The following DFFB variants were observed in gnomAD, a reference collection of about 807,000 sequenced individuals.
The protein encoded by DFFB is DNA fragmentation factor 40 kDa subunit.
In DFFB, 29 loss-of-function variants were observed where a neutral mutation model predicts 32.7. The ratio of observed to expected loss-of-function variants is 0.89; its 90% CI spans 0.66 to 1.21. DFFB has a LOEUF of 1.21. Among genes scored for constraint, DFFB ranks in the 50% most tolerant of loss-of-function variants. The pLI is 0.00. For synonymous variants in DFFB, 170 were observed against 177.1 expected (o/e 0.96, Z 0.32); for missense variants, 398 against 440.6 (o/e 0.90, Z 0.87).
chr1:3,870,378 G>A (rs1186661766), intron 5 of DFFB, among the ~76,000 whole-genome samples: 2 of 152,196 alleles, frequency 1.3e-5, no homozygotes, highest in Non-Finnish European at 2.9e-5. Flanking sequence ...AGCAGCAGGG[G>A]CCAGGTGGTG....
chr1:3,877,004 G>A (rs942806024), intron 6 of DFFB, among the ~76,000 whole-genome samples: 1 of 152,164 alleles, frequency 6.6e-6, no homozygotes, highest in Non-Finnish European at 1.5e-5. Flanking sequence ...TGCCTCCCGT[G>A]GGAGGGCTGT....
At chr1:3,874,065 C>G (rs368799200) in intron 6 of DFFB, among the ~76,000 whole-genome samples, 1 of 152,290 alleles carries the variant, frequency 6.6e-6, no homozygotes, top group African/African-American at 2.4e-5. Flanking sequence ...ACCTTTACCA[C>G]AAGCGTGTGA....
At position 3,883,805 on chromosome 1, in the gene DFFB, C is replaced by CT; in HGVS notation, c.*70dup. 6.8e-7 allele frequency: 1 copy of CT among 1,471,672 alleles called. No homozygotes were observed. Among genetic ancestry groups the CT allele is most frequent in the Non-Finnish European group, 9.3e-7 (1 of 1,072,940 alleles). The allele number at this position is 1,471,672 out of a possible 1,614,324, so 91.2% of individuals were successfully genotyped here. On this transcript the variant is annotated 3_prime_UTR_variant, in exon 7 of 7. Transcript: ENST00000378209. ...ACGTGGGCATCATTTTAACAGGTGC[C>CT]TTTTTTGTTTTTTTGTTTTTCGTTT...
intron 3 of DFFB, chr1:3,866,541 T>A (rs1366560451): frequency 5.9e-6 from 1 of 170,872 alleles, no homozygotes. Context: ...CCTGGCCTAT[T>A]ATAATTATTT....
At position 3,860,444 on chromosome 1, in the gene DFFB, G is replaced by C. The variant is rs138217816; in HGVS notation, c.241+1600G>C. 801 of 444,566 alleles carry C rather than the reference G, an allele frequency of 1.8e-3. 2 individuals carry two copies. The highest frequency in any genetic ancestry group is 0.015 in the African/African-American group (748 of 49,632). The allele number at this position is 444,566 out of a possible 1,614,324, so 27.5% of individuals were successfully genotyped here. A position where few individuals can be genotyped will look rare whatever the true frequency, so the allele number is the denominator to read the frequency against. Reference sequence around the variant, plus strand: ...GGGTTTCGCCATGTTTCCCAGGATAGTCTCACACTCCTGGGCTCAAGCTGT... The same window carrying C: ...GGGTTTCGCCATGTTTCCCAGGATACTCTCACACTCCTGGGCTCAAGCTGT... On this transcript the variant is annotated intron_variant, in intron 2 of 6. Coordinates refer to ENST00000378209, the MANE Select transcript of DFFB (RefSeq NM_004402.4).
chr1:3,872,412 A>G, intron 5 of DFFB, 60 bp from the exon 6 acceptor site: 1 of 1,319,362 alleles, frequency 7.6e-7, no homozygotes, highest in Middle Eastern at 1.9e-4. Flanking sequence ...GCGCTGTCTC[A>G]AGAAAAAAAA....
rs1557716277 is a variant in DFFB at position 3,868,678 on chromosome 1, C to CACCATACCACACCACACCAA, written c.510+625_510+626insACCATACCACACCACACCAA. On this transcript the variant is annotated intron_variant, in intron 4 of 6. Coordinates refer to ENST00000378209, the MANE Select transcript of DFFB (RefSeq NM_004402.4). ...CACCAGGCCACACCACACCACACCA[C>CACCATACCACACCACACCAA]GCCACACCACACCAGGCCACACCAC... Among the ~76,000 whole-genome samples, 2 of 11,654 alleles carry CACCATACCACACCACACCAA rather than the reference C, an allele frequency of 1.7e-4. 1 individual carries two copies. Among genetic ancestry groups the CACCATACCACACCACACCAA allele is most frequent in the Non-Finnish European group, 3.4e-4 (2 of 5,866 alleles). The allele number at this position is 11,654 out of a possible 152,430, so 7.6% of individuals were successfully genotyped here.
intron 2 of DFFB, among the ~76,000 whole-genome samples, chr1:3,863,147 G>A (rs189145713): frequency 9.5e-4 from 145 of 152,248 alleles, no homozygotes; most frequent in African/African-American, 3.1e-3. Context: ...ATCTAATACG[G>A]GACTTGCATC....
intron 6 of DFFB, among the ~76,000 whole-genome samples, chr1:3,878,430 G>T (rs565443259): frequency 1.3e-5 from 2 of 152,334 alleles, no homozygotes; most frequent in African/African-American, 4.8e-5. Flanking sequence ...GGGGTTACAG[G>T]CGTGAGCCAC....
intron 4 of DFFB, among the ~76,000 whole-genome samples, chr1:3,869,105 G>T (rs1396703532): frequency 2.0e-5 from 3 of 152,094 alleles, no homozygotes; most frequent in Non-Finnish European, 4.4e-5. Context: ...TGTTGCTCAG[G>T]CTGGAGTACA....
chr1:3,868,331 T>TCCTCTCCC (rs936807096), intron 4 of DFFB, among the ~76,000 whole-genome samples: 2 of 151,936 alleles, frequency 1.3e-5, no homozygotes, highest in African/African-American at 4.8e-5. Flanking sequence ...CCTCCTCTCC[T>TCCTCTCCC]CCTCTCCCCC....
chr1:3,881,869 C>CA lies in DFFB; in HGVS notation c.783-1624dup, dbSNP rs77630554. On this transcript the variant is annotated intron_variant, in intron 6 of 6. Transcript: ENST00000378209. ...TGGGTGACAGAGCAAGACTCTGTTTCAAAAAAAAAAAAAAGGCGACTTTTG... is the reference window on the plus strand; with the variant it reads ...TGGGTGACAGAGCAAGACTCTGTTTCAAAAAAAAAAAAAAAGGCGACTTTTG... Among the ~76,000 whole-genome samples the CA allele has an allele frequency of 6.3e-3, 879 of 139,680 alleles. 11 individuals are homozygous for CA. The highest frequency in any genetic ancestry group is 0.02 in the African/African-American group (744 of 37,952). The allele number at this position is 139,680 out of a possible 152,430, so 91.6% of individuals were successfully genotyped here. A position where few individuals can be genotyped will look rare whatever the true frequency, so the allele number is the denominator to read the frequency against.
At chr1:3,878,073 T>TG (rs1645260148) in intron 6 of DFFB, among the ~76,000 whole-genome samples, 2 of 152,100 alleles carry the variant, frequency 1.3e-5, no homozygotes, top group South Asian at 4.1e-4. Flanking sequence ...TGTGACTCTG[T>TG]GGGGTCCCTC....
intron 4 of DFFB, among the ~76,000 whole-genome samples, chr1:3,868,337 C>A (rs1645024875): frequency 6.6e-6 from 1 of 152,052 alleles, no homozygotes; most frequent in South Asian, 2.1e-4. Context: ...CTCCTCCTCT[C>A]CCCCCGAGGC....
chr1:3,872,429 A>T, intron 5 of DFFB, 43 bp from the exon 6 acceptor site: 12 of 1,371,390 alleles, frequency 8.8e-6, no homozygotes, highest in Non-Finnish European at 1.1e-5. Flanking sequence ...AAAAAAAAAG[A>T]GACTCACTTT....
At chr1:3,859,410 T>C (rs1644835914) in intron 2 of DFFB, among the ~76,000 whole-genome samples, 1 of 152,140 alleles carries the variant, frequency 6.6e-6, no homozygotes, top group South Asian at 2.1e-4. Context: ...AATGCCAAGG[T>C]CTGCGCTTGT....
Position 3,883,971 on chromosome 1 carries a change from G to C in DFFB, c.*230G>C. The C allele has an allele frequency of 1.9e-6, 1 of 534,114 alleles. No individual in the cohort carries two copies. 33.1% of individuals were successfully genotyped at this position (534,114 alleles called of 1,614,324 possible). The stretch of plus-strand genomic sequence containing the variant: ...GATGGAGTTTCACTTTTGTTGCCCA[G>C]GCTGGAGTGTAGTGGCGCGATCTCG... On this transcript the variant is annotated 3_prime_UTR_variant, in exon 7 of 7. Transcript: ENST00000378209.
chr1:3,879,555 C>T (rs1172999858), intron 6 of DFFB, among the ~76,000 whole-genome samples: 2 of 152,192 alleles, frequency 1.3e-5, no homozygotes, highest in East Asian at 3.8e-4. Context: ...CTGTCTCTGC[C>T]ACGTGGGGAC....
intron 4 of DFFB, among the ~76,000 whole-genome samples, chr1:3,868,945 C>T (rs1279657029): frequency 6.6e-6 from 1 of 152,266 alleles, no homozygotes; most frequent in Non-Finnish European, 1.5e-5. Flanking sequence ...AGCCTGCTCC[C>T]TGTAGTGGAG....
Sources: gnomAD v4.1 joint callset for allele counts (sites outside exome capture counted in the v4.1 genomes callset) on GRCh38, gnomAD v4.1.1 for gene constraint, MANE v1.5 for transcripts, NCBI Gene and HGNC (gene_info 2026-07-23, HGNC 2026-07-21) for gene names.